Variants in ANXA9 observed in about 807,000 individuals in gnomAD.
The protein encoded by ANXA9 is annexin A9.
Under a neutral mutation model 51.8 loss-of-function variants are expected in ANXA9, and 47 were observed. That is an observed-to-expected ratio of 0.91 (90% CI 0.72 to 1.16). The LOEUF is 1.16. ANXA9 is among the 50% of genes most tolerant of loss of function. The pLI is 0.00. For missense variants in ANXA9, 361 were observed against 424.7 expected (o/e 0.85, Z 1.32); for synonymous variants, 154 against 168.7 (o/e 0.91, Z 0.68).
upstream of ANXA9, among the ~76,000 whole-genome samples, chr1:150,981,371 C>T (rs587723429): frequency 5.3e-5 from 8 of 152,244 alleles, no homozygotes; most frequent in Non-Finnish European, 1.0e-4. Context: ...TTCTGTGCCC[C>T]GCCCCTACCC....
At chr1:150,985,186 TCTCTCACA>T (rs1185279093) in intron 7 of ANXA9, among the ~76,000 whole-genome samples, 2 of 145,164 alleles carry the variant, frequency 1.4e-5, no homozygotes, top group African/African-American at 2.6e-5. Context: ...TCTCTCTCTC[TCTCTCACA>T]CACACACACA....
chr1:150,988,434 C>G (rs1445449462), intron 12 of ANXA9, 93 bp downstream of exon 12: 2 of 1,442,076 alleles, frequency 1.4e-6, no homozygotes, highest in Admixed American at 3.6e-5. Context: ...CCTATATACA[C>G]CGTCTAAACC....
chr1:150,992,818 CAAT>C lies in ANXA9; in HGVS notation c.853-1758_853-1756del, dbSNP rs1671738424. 2.0e-5 allele frequency among the ~76,000 whole-genome samples: 3 copies of C among 152,018 alleles called. No individual in the cohort carries two copies. The South Asian group carries it at 6.2e-4, about 31-fold the overall frequency. Reference sequence around the variant, plus strand: ...GCAAGAAAAAAGAATACTTGTACAACAATGAGAGTATTCAGTTAATGAGTGACT... The same window carrying C: ...GCAAGAAAAAAGAATACTTGTACAACGAGAGTATTCAGTTAATGAGTGACT... On this transcript the variant is annotated intron_variant, in intron 12 of 13. Transcript: ENST00000368947.
chr1:150,988,522 C>T (rs1039639940), intron 12 of ANXA9, among the ~76,000 whole-genome samples, 181 bp downstream of exon 12: 1 of 152,176 alleles, frequency 6.6e-6, no homozygotes, highest in African/African-American at 2.4e-5. Context: ...TGAGAACTAA[C>T]TTAGTTGGCT....
chr1:150,983,565 C>A, intron 4 of ANXA9, 131 bp downstream of exon 4: 2 of 886,004 alleles, frequency 2.3e-6, no homozygotes, highest in Non-Finnish European at 3.5e-6. Context: ...GTATGTCAGG[C>A]GCCACAGTAG....
rs2102794090 is a variant in ANXA9, at chr1:150,986,607, C to T, written c.558C>T (p.Gly186=). The change falls in exon 9 of 14, where the codon GGC becomes GGT. Residue 186 remains glycine, a synonymous_variant. Transcript: ENST00000368947. ...AGAACAGTTTCTCCTCCTAGGGGGGCCGTGACAGCTACTCTGGAATCATTG... is the reference window on the plus strand; with the variant it reads ...AGAACAGTTTCTCCTCCTAGGGGGGTCGTGACAGCTACTCTGGAATCATTG... ...QDLLLALAKG[G]RDSYSGIIDY... 1 of 1,607,916 alleles carries T rather than the reference C, an allele frequency of 6.2e-7. No individual in the cohort carries two copies. The highest frequency in any genetic ancestry group is 8.5e-7 in the Non-Finnish European group (1 of 1,178,226).
rs761473816 is a variant in ANXA9 at position 150,987,854 on chromosome 1, C to T, written c.613-18C>T. ...ATGATCCTGATTGACTCCTCCCTGA[C>T]TCATTCCTCCCTCCTAGGCACTGCA... On this transcript the variant is annotated intron_variant, in intron 9 of 13. Transcript: ENST00000368947. The T allele has an allele frequency of 3.1e-6, 5 of 1,610,098 alleles. No individual in the cohort carries two copies. The highest frequency in any genetic ancestry group is 1.3e-5 in the African/African-American group (1 of 74,904).
chr1:150,987,378 TCTCACACACACA>T (rs1284399788), intron 9 of ANXA9, among the ~76,000 whole-genome samples: 3 of 64,330 alleles, frequency 4.7e-5, no homozygotes, highest in African/African-American at 1.3e-4. Context: ...TCTCTCTCTC[TCTCACACACACA>T]CACACACACA....
upstream of ANXA9, among the ~76,000 whole-genome samples, chr1:150,981,385 C>A (rs587760531): frequency 7.2e-5 from 11 of 152,298 alleles, no homozygotes; most frequent in South Asian, 2.3e-3. Context: ...CCTACCCAGG[C>A]TCTCCAGGGA....
upstream of ANXA9, among the ~76,000 whole-genome samples, chr1:150,979,134 T>C (rs1199632664): frequency 6.6e-6 from 1 of 151,010 alleles, no homozygotes; most frequent in Non-Finnish European, 1.5e-5. Context: ...AATGAGTTTG[T>C]AGCAGGTTTC....
intron 7 of ANXA9, among the ~76,000 whole-genome samples, chr1:150,985,303 A>G (rs1185162686): frequency 1.3e-5 from 2 of 152,034 alleles, no homozygotes; most frequent in Non-Finnish European, 2.9e-5. Context: ...AAAGGTACTC[A>G]TGTCACCTTC....
intron 12 of ANXA9, among the ~76,000 whole-genome samples, chr1:150,988,752 T>C (rs587768223): frequency 2.0e-4 from 30 of 152,264 alleles, no homozygotes; most frequent in Non-Finnish European, 3.4e-4. Flanking sequence ...CAATTAATCC[T>C]CACAACCATA....
chr1:150,983,906 C>T, intron 4 of ANXA9, 69 bp from the exon 5 acceptor site: 2 of 1,475,526 alleles, frequency 1.4e-6, no homozygotes, highest in Admixed American at 2.1e-5. Context: ...CGCCTTCCCT[C>T]CTCCAAGGAG....
chr1:150,987,678 G>A (rs1671598217), intron 9 of ANXA9, among the ~76,000 whole-genome samples, 194 bp from the exon 10 acceptor site: 1 of 147,774 alleles, frequency 6.8e-6, no homozygotes, highest in South Asian at 2.2e-4. Context: ...TGGTGAGCTG[G>A]GATCACACCA....
upstream of ANXA9, among the ~76,000 whole-genome samples, chr1:150,977,700 A>T (rs1159808348): frequency 6.6e-6 from 1 of 152,246 alleles, no homozygotes; most frequent in Non-Finnish European, 1.5e-5. Context: ...CTATTTGGGT[A>T]AGAAGCAGAG....
chr1:150,983,120 C>A lies in ANXA9; in HGVS notation c.15C>A (p.Gly5=), dbSNP rs373174808. 43 of 1,613,816 alleles carry A rather than the reference C, an allele frequency of 2.7e-5. No individual in the cohort carries two copies. Among genetic ancestry groups the A allele is most frequent in the South Asian group, 1.9e-4 (17 of 91,070 alleles). ...CCAGTAGCACCATGTCTGTGACTGG[C>A]GGGAAGATGGCACCGTCCCTCACCC... is the stretch of plus-strand genomic sequence containing the variant. The part of the protein sequence containing the change: MSVT[G]GKMAPSLTQE... Residue 5 remains glycine, a synonymous_variant, in exon 3 of 14, where the codon GGC becomes GGA. Transcript: ENST00000368947.
intron 5 of ANXA9, 94 bp downstream of exon 5, chr1:150,984,163 G>A (rs1235165434): frequency 6.5e-7 from 1 of 1,530,846 alleles, no homozygotes; most frequent in Non-Finnish European, 9.0e-7. Context: ...GCCAGCCCCT[G>A]CTTCCTGGCT....
At chr1:150,983,226 C>T (rs773149377) in intron 3 of ANXA9, 46 bp downstream of exon 3, 4 of 1,605,670 alleles carry the variant, frequency 2.5e-6, no homozygotes, top group Non-Finnish European at 3.4e-6. Context: ...TATCTCAGCT[C>T]GGGCTGTGAG....
chr1:150,991,813 CTGGAGTGCAAT>C (rs1430435316), intron 12 of ANXA9, among the ~76,000 whole-genome samples: 4 of 151,400 alleles, frequency 2.6e-5, no homozygotes, highest in Non-Finnish European at 5.9e-5. Flanking sequence ...GTCACCCAGG[CTGGAGTGCAAT>C]GGCGCGATCT....
Sources: gnomAD v4.1 joint callset for allele counts (sites outside exome capture counted in the v4.1 genomes callset) on GRCh38, gnomAD v4.1.1 for gene constraint, MANE v1.5 for transcripts, NCBI Gene and HGNC (gene_info 2026-07-23, HGNC 2026-07-21) for gene names.